The following HUWE1 variants were observed in gnomAD, a reference collection of about 807,000 sequenced individuals.
HUWE1 encodes HECT, UBA and WWE domain containing E3 ubiquitin protein ligase 1, also known as E3 ubiquitin-protein ligase HUWE1.
Under a neutral mutation model 299.4 loss-of-function variants are expected in HUWE1, and 18 were observed. That is an observed-to-expected ratio of 0.06 (90% CI 0.04 to 0.09). The LOEUF is 0.09. Among genes scored for constraint, HUWE1 ranks in the 10% least tolerant of loss-of-function variants. The pLI is 1.00. For missense variants in HUWE1, 1,832 were observed against 3,462.3 expected, an observed-to-expected ratio of 0.53 and a Z score of 11.82; for synonymous variants, 1,317 against 1,286.1, an observed-to-expected ratio of 1.02 and a Z score of -0.51.
chrX:53,582,543 G>T (rs1258485878), intron 42 of HUWE1, among the ~76,000 whole-genome samples: 9 of 112,439 alleles, frequency 8.0e-5, no homozygotes, highest in African/African-American at 1.9e-4. Flanking sequence ...TCTAAGTAAC[G>T]ATCTTAAACA....
At chrX:53,629,399 A>G (rs1339695640) in intron 13 of HUWE1, 117 bp downstream of exon 13, 1 of 532,500 alleles carries the variant, frequency 1.9e-6, no homozygotes, top group East Asian at 3.5e-5. Flanking sequence ...CCCATGCCCA[A>G]GATGTCTCAT....
At position 53,539,828 on chromosome X, in the gene HUWE1, AAG is replaced by A. The variant is rs781958748; in HGVS notation, c.11477-18_11477-17del. 31 of 1,198,406 alleles carry A rather than the reference AAG, an allele frequency of 2.6e-5. No individual in the cohort carries two copies. The African/African-American group carries it at 3.9e-4, about 15-fold the overall frequency. ...CCATCGGAGGCTGGAGGGCACACAG[AAG>A]AGAGTCAGAAAGTCTTCAAAATTTC... On this transcript the variant is annotated splice_polypyrimidine_tract_variant and intron_variant, in intron 74 of 83. Coordinates refer to ENST00000262854, the MANE Select transcript of HUWE1 (RefSeq NM_031407.7).
intron 48 of HUWE1, 21 bp from the exon 49 acceptor site, chrX:53,568,895 T>C: frequency 1.7e-6 from 2 of 1,162,955 alleles, no homozygotes; most frequent in Non-Finnish European, 2.3e-6. Context: ...AGTTTTGACA[T>C]CTCTATCATA....
intron 23 of HUWE1, among the ~76,000 whole-genome samples, chrX:53,610,741 C>T (rs2065408783): frequency 8.9e-6 from 1 of 111,845 alleles, no homozygotes; most frequent in African/African-American, 3.3e-5. Context: ...GGCCACATTT[C>T]AGGGAACAAC....
intron 54 of HUWE1, 74 bp downstream of exon 54, chrX:53,562,037 C>A: frequency 8.3e-7 from 1 of 1,211,292 alleles, no homozygotes; most frequent in Non-Finnish European, 1.1e-6. Context: ...GCAACCCAGA[C>A]TGTTGGTTTT....
chrX:53,602,711 A>AT lies in HUWE1; in HGVS notation c.2877-54_2877-53insA, dbSNP rs1556992332. Reference sequence around the variant, plus strand: ...GAAATATATATATATATATACTGATAATTCACCTCTTATATTGTAAATGGT... The same window carrying AT: ...GAAATATATATATATATATACTGATATATTCACCTCTTATATTGTAAATGGT... On this transcript the variant is annotated intron_variant, in intron 27 of 83. Coordinates refer to ENST00000262854, the MANE Select transcript of HUWE1 (RefSeq NM_031407.7). The AT allele has an allele frequency of 2.7e-4, 169 of 626,378 alleles. 1 individual carries two copies. In the African/African-American group the frequency reaches 3.4e-3, roughly 13 times the overall value. The allele number at this position is 626,378 out of a possible 1,213,427, so 51.6% of individuals were successfully genotyped here.
At chrX:53,645,733 AAAAATAT>A (rs1448019109) in intron 6 of HUWE1, among the ~76,000 whole-genome samples, 9 of 19,456 alleles carry the variant, frequency 4.6e-4, no homozygotes, top group South Asian at 5.0e-3. Flanking sequence ...AAAAAAAAAA[AAAAATAT>A]ATATATATAT....
At chrX:53,656,182 T>C in intron 3 of HUWE1, among the ~76,000 whole-genome samples, 1 of 108,873 alleles carries the variant, frequency 9.2e-6, no homozygotes, top group African/African-American at 3.4e-5. Flanking sequence ...GAGACCATCC[T>C]GGCTAACACG....
At position 53,632,170 on chromosome X, in the gene HUWE1, A is replaced by G. The variant is rs2066918915; in HGVS notation, c.645+317T>C. 3 of 337,952 alleles carry G rather than the reference A, an allele frequency of 8.9e-6. No individual in the cohort carries two copies. The South Asian group carries it at 1.0e-4, about 11-fold the overall frequency. The allele number at this position is 337,952 out of a possible 1,213,427, so 27.9% of individuals were successfully genotyped here. ...TTTTGCAGGCTTCCTAATTAGAGAA[A>G]CCTGAGCCATCACCATCCAAACTAC... On this transcript the variant is annotated intron_variant, in intron 9 of 83. Transcript: ENST00000262854.
At chrX:53,631,341 C>T in intron 11 of HUWE1, 73 bp downstream of exon 11, 1 of 826,524 alleles carries the variant, frequency 1.2e-6, no homozygotes, top group Non-Finnish European at 1.8e-6. Context: ...ATGCAATCTC[C>T]CACCCCAGTA....
Position 53,545,158 on chromosome X carries a change from G to A in HUWE1, c.10919C>T (p.Thr3640Ile). 3.3e-6 allele frequency: 4 copies of A among 1,210,238 alleles called. No individual in the cohort carries two copies. Among genetic ancestry groups the A allele is most frequent in the Non-Finnish European group, 4.5e-6 (4 of 894,819 alleles). Residue 3640 changes from threonine to isoleucine, a missense_variant, in exon 71 of 84, where the codon ACC becomes ATC. Around this residue, in one of 15 missense-constraint regions of HUWE1, gnomAD observed 48 missense variants for 87.0 expected, o/e 0.55. Coordinates refer to ENST00000262854, the MANE Select transcript of HUWE1 (RefSeq NM_031407.7). ...GTATTCCCGCAGCTCGGCCAGCAGG[G>A]TACCTGAGCAGGCAGAGGAGTCAGC... ...LGYTLCKQIG[T>I]LLAELREYNL...
intron 6 of HUWE1, among the ~76,000 whole-genome samples, chrX:53,646,765 T>A (rs1428456814): frequency 8.9e-6 from 1 of 112,159 alleles, no homozygotes; most frequent in African/African-American, 3.2e-5. Flanking sequence ...AAAACACACC[T>A]AAAATTAACA....
At chrX:53,624,954 A>G (rs1368309783) in intron 18 of HUWE1, among the ~76,000 whole-genome samples, 1 of 112,075 alleles carries the variant, frequency 8.9e-6, no homozygotes, top group Non-Finnish European at 1.9e-5. Context: ...GAAAAGGGGA[A>G]AAAAAGGGTA....
At chrX:53,563,600 TA>T in intron 52 of HUWE1, 145 bp downstream of exon 52, 2 of 639,992 alleles carry the variant, frequency 3.1e-6, no homozygotes, top group Non-Finnish European at 4.9e-6. Flanking sequence ...TTCTCATCTG[TA>T]AGACCGTCAA....
At chrX:53,603,555 TAA>T in intron 26 of HUWE1, 54 bp from the exon 27 acceptor site, 5 of 979,213 alleles carry the variant, frequency 5.1e-6, no homozygotes, top group Non-Finnish European at 5.5e-6. Context: ...CAATTATACT[TAA>T]AAAAAAAAAT....
rs2065855095 is a variant in HUWE1, at chrX:53,617,249, C to T, written c.1779+91G>A. The T allele has an allele frequency of 6.2e-6, 6 of 975,227 alleles. No homozygotes were observed. In the South Asian group the frequency reaches 1.2e-4, roughly 20 times the overall value. The allele number at this position is 975,227 out of a possible 1,213,427, so 80.4% of individuals were successfully genotyped here. Reference sequence around the variant, plus strand: ...GCTGAGATAGAAGGAATTTTGACAACCAGGTCCCAATTAGATTCAACACTA... The same window carrying T: ...GCTGAGATAGAAGGAATTTTGACAATCAGGTCCCAATTAGATTCAACACTA... On this transcript the variant is annotated intron_variant, in intron 20 of 83. Transcript: ENST00000262854.
chrX:53,657,990 A>C (rs1305527762), intron 3 of HUWE1, among the ~76,000 whole-genome samples: 4 of 96,357 alleles, frequency 4.2e-5, no homozygotes, highest in African/African-American at 1.6e-4. Context: ...CTGAGCTTGC[A>C]GTGAGCTGAG....
intron 3 of HUWE1, among the ~76,000 whole-genome samples, chrX:53,660,408 C>A (rs1557044790): frequency 8.9e-6 from 1 of 112,445 alleles, no homozygotes; most frequent in Non-Finnish European, 1.9e-5. Context: ...CAAGTGCAGT[C>A]CTACCTTGGT....
chrX:53,568,853 G>A lies in HUWE1; in HGVS notation c.6546C>T (p.Ile2182=). The A allele has an allele frequency of 8.3e-7, 1 of 1,204,033 alleles. No homozygotes were observed. Among genetic ancestry groups the A allele is most frequent in the Non-Finnish European group, 1.1e-6 (1 of 890,978 alleles). ...KHARLQAVMC[I]ISTIMESCPS... ...GGCAGGACTCCATGATAGTACTGAT[G>A]ATACACATCACTGCCTGAAGCCTGG... is the stretch of plus-strand genomic sequence containing the variant. Residue 2182 remains isoleucine, a synonymous_variant, in exon 49 of 84, where the codon ATC becomes ATT. Transcript: ENST00000262854.
Sources: gnomAD v4.1 joint callset for allele counts (sites outside exome capture counted in the v4.1 genomes callset) on GRCh38, gnomAD v4.1.1 for gene constraint, gnomAD v4.1.1 regional missense constraint, MANE v1.5 for transcripts, NCBI Gene and HGNC (gene_info 2026-07-23, HGNC 2026-07-21) for gene names.